DCDC2: variants seen among roughly 807,000 people sequenced by gnomAD.
DCDC2 encodes doublecortin domain-containing protein 2.
A neutral mutation model predicts 50.2 loss-of-function variants in DCDC2; 40 were observed. That is an observed-to-expected ratio of 0.80 (90% CI 0.62 to 1.04). The LOEUF is 1.04. Ranked by LOEUF, DCDC2 falls within the 50% of genes least tolerant of loss-of-function variation. The probability of loss-of-function intolerance (pLI) is 0.00; values close to 1 mark genes in which losing one functional copy is unlikely to be tolerated. For missense variants in DCDC2, 570 were observed against 581.9 expected (o/e 0.98, Z 0.21); for synonymous variants, 234 against 210.6 (o/e 1.11, Z -0.96).
chr6:24,295,725 C>CA (rs1267509273), intron 4 of DCDC2, among the ~76,000 whole-genome samples: 1 of 151,982 alleles, frequency 6.6e-6, no homozygotes. Context: ...ATAATTGGCA[C>CA]AAAAAATAAA....
At chr6:24,181,069 G>A (rs1761061007) in intron 8 of DCDC2, among the ~76,000 whole-genome samples, 1 of 152,156 alleles carries the variant, frequency 6.6e-6, no homozygotes. Context: ...GACACCGTGA[G>A]CCTAGGCTGT....
In DCDC2 at chr6:24,326,429, T is replaced by C. The variant is rs1274489454; in HGVS notation, c.349-24385A>G. On this transcript the variant is annotated intron_variant, in intron 2 of 9. Coordinates refer to ENST00000378454, the MANE Select transcript of DCDC2 (RefSeq NM_016356.5). ...TTTAAAATTTACTATAGATGATCCA[T>C]AAAATTAAAAATCATACAAAGCATG... 2.8e-5 allele frequency among the ~76,000 whole-genome samples: 4 copies of C among 144,684 alleles called. 1 individual carries two copies. The highest frequency in any genetic ancestry group is 6.1e-5 in the Non-Finnish European group (4 of 65,590). The allele number at this position is 144,684 out of a possible 152,430, so 94.9% of individuals were successfully genotyped here. A position where few individuals can be genotyped will look rare whatever the true frequency, so the allele number is the denominator to read the frequency against.
rs34907724 is a variant in DCDC2, at chr6:24,302,294, G to GAA, written c.349-252_349-251dup. Among the ~76,000 whole-genome samples the GAA allele has an allele frequency of 0.13, 17,634 of 138,298 alleles. 1,347 individuals are homozygous for GAA. Among genetic ancestry groups the GAA allele is most frequent in the African/African-American group, 0.22 (8,162 of 37,316 alleles). The allele number at this position is 138,298 out of a possible 152,430, so 90.7% of individuals were successfully genotyped here. ...CTAGGCACACTGCTCATGATCTGTGGAAAAAAAAAAAAAACAGAAATCATT... is the reference window on the plus strand; with the variant it reads ...CTAGGCACACTGCTCATGATCTGTGGAAAAAAAAAAAAAAAACAGAAATCATT... On this transcript the variant is annotated intron_variant, in intron 2 of 9. Coordinates refer to ENST00000378454, the MANE Select transcript of DCDC2 (RefSeq NM_016356.5).
chr6:24,289,968 CTTCTTTTTTTT>C, intron 5 of DCDC2, among the ~76,000 whole-genome samples: 1 of 100,824 alleles, frequency 9.9e-6, no homozygotes, highest in East Asian at 3.1e-4. Context: ...GGCCAGAGCT[CTTCTTTTTTTT>C]TTTTTTTTTT....
intron 2 of DCDC2, among the ~76,000 whole-genome samples, chr6:24,335,033 T>C (rs1760032338): frequency 6.6e-6 from 1 of 152,158 alleles, no homozygotes; most frequent in Non-Finnish European, 1.5e-5. Context: ...TTAAAAGACT[T>C]GTACAACCCT....
chr6:24,278,061 T>A lies in DCDC2; in HGVS notation c.910A>T (p.Ile304Phe). 1 of 1,610,138 alleles carries A rather than the reference T, an allele frequency of 6.2e-7. No homozygotes were observed. The highest frequency in any genetic ancestry group is 8.5e-7 in the Non-Finnish European group (1 of 1,177,512). The change falls in exon 7 of 10, where the codon ATT becomes TTT. Residue 304 changes from isoleucine (I) to phenylalanine (F), a missense_variant. By Grantham distance (21) the Ile-to-Phe change is conservative. Coordinates refer to ENST00000378454, the MANE Select transcript of DCDC2 (RefSeq NM_016356.5). ...NVKLKNSQET[I>F]PNSDEGIFKA... ...ATAACACACTTACCACTATTTGGAA[T>A]GGTTTCTTGTGAATTCTTTAATTTT...
chr6:24,241,654 T>C (rs1305186772), intron 7 of DCDC2, among the ~76,000 whole-genome samples: 2 of 152,224 alleles, frequency 1.3e-5, no homozygotes, highest in African/African-American at 2.4e-5. Context: ...TTCTAATGGC[T>C]TTTGGCAGTG....
At chr6:24,361,423 A>G (rs1357363503), upstream of DCDC2, among the ~76,000 whole-genome samples, 1 of 151,228 alleles carries the variant, frequency 6.6e-6, no homozygotes, top group Non-Finnish European at 1.5e-5. Flanking sequence ...TGAACCTAAA[A>G]TGAAAGTTAA....
chr6:24,359,189 TTATATATTA>T (rs1760586157), upstream of DCDC2, among the ~76,000 whole-genome samples: 1 of 53,718 alleles, frequency 1.9e-5, no homozygotes, highest in Non-Finnish European at 2.9e-5. Flanking sequence ...TTTATATATT[TTATATATTA>T]TATATATTTT....
Position 24,180,586 on chromosome 6 carries a change from C to A in DCDC2, c.1024-1954G>T, listed in dbSNP as rs974497873. On this transcript the variant is annotated intron_variant, in intron 8 of 9. Coordinates refer to ENST00000378454, the MANE Select transcript of DCDC2 (RefSeq NM_016356.5). Reference sequence around the variant, plus strand: ...TACAGGCATGAGCCACCATGCCCGGCCCAGGGTTTTTTTTAATGATAGGGT... The same window carrying A: ...TACAGGCATGAGCCACCATGCCCGGACCAGGGTTTTTTTTAATGATAGGGT... Among the ~76,000 whole-genome samples the A allele has an allele frequency of 4.0e-5, 6 of 151,612 alleles. No individual in the cohort carries two copies. The South Asian group carries it at 8.3e-4, about 21-fold the overall frequency.
rs4052666 is a variant in DCDC2 at position 24,246,479 on chromosome 6, C to CTTTTTTTTTTTT, written c.922+31558_922+31569dup. Among the ~76,000 whole-genome samples the CTTTTTTTTTTTT allele has an allele frequency of 4.3e-3, 302 of 70,804 alleles. 1 individual carries two copies. The highest frequency in any genetic ancestry group is 0.018 in the Middle Eastern group (1 of 56). The allele number at this position is 70,804 out of a possible 152,430, so 46.5% of individuals were successfully genotyped here. On this transcript the variant is annotated intron_variant, in intron 7 of 9. Transcript: ENST00000378454. ...GATAAAGACAAGTCTTTTTCTTTTT[C>CTTTTTTTTTTTT]TTTTTTTTTTTTTTTTTTTTTTTTT...
In DCDC2 at chr6:24,355,666, C is replaced by T. The variant is rs199772490; in HGVS notation, c.293+1792G>A. 6.6e-5 allele frequency among the ~76,000 whole-genome samples: 10 copies of T among 152,262 alleles called. 1 individual carries two copies. In the South Asian group the frequency reaches 1.5e-3, roughly 22 times the overall value. ...TGGTTTTAAGTTTCCTTTAAGCATGCAATTTCATTTAGCCCTTTTTTACGA... is the reference window on the plus strand; with the variant it reads ...TGGTTTTAAGTTTCCTTTAAGCATGTAATTTCATTTAGCCCTTTTTTACGA... On this transcript the variant is annotated intron_variant, in intron 1 of 9. Transcript: ENST00000378454.
At chr6:24,187,269 T>C (rs1761225076) in intron 8 of DCDC2, among the ~76,000 whole-genome samples, 1 of 152,124 alleles carries the variant, frequency 6.6e-6, no homozygotes, top group African/African-American at 2.4e-5. Context: ...AGACATAAGT[T>C]TGGAGTGGGG....
chr6:24,246,763 A>G (rs571704677), intron 7 of DCDC2, among the ~76,000 whole-genome samples: 170 of 152,232 alleles, frequency 1.1e-3, no homozygotes, highest in Middle Eastern at 3.4e-3. Context: ...CTGGGATTAC[A>G]GGCATGAGCC....
the DCDC2 span, among the ~76,000 whole-genome samples, chr6:24,365,273 T>C: frequency 6.6e-6 from 1 of 152,328 alleles, no homozygotes; most frequent in South Asian, 2.1e-4. Context: ...CTCATCCTCA[T>C]TGCCTCACCT....
At chr6:24,183,155 T>C (rs1761120147) in intron 8 of DCDC2, among the ~76,000 whole-genome samples, 2 of 152,172 alleles carry the variant, frequency 1.3e-5, no homozygotes, top group Admixed American at 6.5e-5. Flanking sequence ...TGGGGAGTTC[T>C]TGTTTAATGG....
At position 24,347,000 on chromosome 6, in the gene DCDC2, A is replaced by G. The variant is rs148604443; in HGVS notation, c.348+6569T>C. ...GGAAGAAAAAGGCTAAGCAATGGAG[A>G]TTCAAGCCTACTTATCCTGATCATA... On this transcript the variant is annotated intron_variant, in intron 2 of 9. Coordinates refer to ENST00000378454, the MANE Select transcript of DCDC2 (RefSeq NM_016356.5). Among the ~76,000 whole-genome samples, 277 of 152,292 alleles carry G rather than the reference A, an allele frequency of 1.8e-3. 1 individual carries two copies. Among genetic ancestry groups the G allele is most frequent in the Non-Finnish European group, 2.9e-3 (200 of 68,022 alleles).
chr6:24,345,190 C>G (rs1237880324), intron 2 of DCDC2, among the ~76,000 whole-genome samples: 2 of 152,106 alleles, frequency 1.3e-5, no homozygotes, highest in East Asian at 3.9e-4. Context: ...AATCACCATG[C>G]CTTCCTGCAA....
intron 2 of DCDC2, among the ~76,000 whole-genome samples, chr6:24,347,050 T>C (rs1760279056): frequency 6.6e-6 from 1 of 152,196 alleles, no homozygotes; most frequent in African/African-American, 2.4e-5. Context: ...CCAGCTATTA[T>C]TCAGGTTACA....
Sources: gnomAD v4.1 joint callset for allele counts (sites outside exome capture counted in the v4.1 genomes callset) on GRCh38, gnomAD v4.1.1 for gene constraint, MANE v1.5 for transcripts, NCBI Gene and HGNC (gene_info 2026-07-23, HGNC 2026-07-21) for gene names.